Variants in VAV3 observed in about 807,000 individuals in gnomAD.
VAV3 encodes vav guanine nucleotide exchange factor 3, also known as guanine nucleotide exchange factor VAV3.
A neutral mutation model predicts 131.2 loss-of-function variants in VAV3; 94 were observed. That is an observed-to-expected ratio of 0.72 (90% confidence interval 0.61 to 0.85). The LOEUF (loss-of-function observed/expected upper bound fraction) is 0.85. Ranked by LOEUF, VAV3 falls within the 40% of genes least tolerant of loss-of-function variation. The pLI, the probability that VAV3 is intolerant of heterozygous loss-of-function variation, is 0.00. For missense variants in VAV3, 939 were observed against 1,002.7 expected (o/e 0.94, Z 0.86); for synonymous variants, 349 against 342.0 (o/e 1.02, Z -0.22).
chr1:107,689,314 C>T (rs571985270), intron 17 of VAV3, among the ~76,000 whole-genome samples: 1 of 152,080 alleles, frequency 6.6e-6, no homozygotes, highest in Non-Finnish European at 1.5e-5. Flanking sequence ...CACAGAGAGA[C>T]ATCAGGACAG....
At chr1:107,693,372 A>C (rs60163431) in intron 17 of VAV3, among the ~76,000 whole-genome samples, 112 of 152,336 alleles carry the variant, frequency 7.4e-4, no homozygotes, top group African/African-American at 2.6e-3. Context: ...AATAAACTTA[A>C]CACATCTTTT....
intron 15 of VAV3, 128 bp from the exon 16 acceptor site, chr1:107,705,189 A>T: frequency 1.4e-6 from 1 of 710,504 alleles, no homozygotes; most frequent in Non-Finnish European, 2.4e-6. Context: ...TGACTACTAA[A>T]TGTGCAATGT....
intron 2 of VAV3, among the ~76,000 whole-genome samples, chr1:107,794,726 C>A (rs557884197): frequency 6.6e-6 from 1 of 152,126 alleles, no homozygotes; most frequent in African/African-American, 2.4e-5. Flanking sequence ...TATTTTGCAA[C>A]GAACAAGGAG....
At chr1:107,891,040 TTCTGCCTAAAACA>T (rs1238475049) in intron 1 of VAV3, among the ~76,000 whole-genome samples, 1 of 152,188 alleles carries the variant, frequency 6.6e-6, no homozygotes, top group Non-Finnish European at 1.5e-5. Context: ...ATATAGCTCC[TTCTGCCTAAAACA>T]GAATTTCTGT....
chr1:107,573,018 A>C lies in VAV3; in HGVS notation c.*313T>G, dbSNP rs954488718. The C allele has an allele frequency of 5.1e-5, 18 of 349,736 alleles. No individual in the cohort carries two copies. In the South Asian group the frequency reaches 5.6e-4, roughly 11 times the overall value. 21.7% of individuals were successfully genotyped at this position (349,736 alleles called of 1,614,324 possible). ...GGCATTCATGGTATCTGACCAGAAG[A>C]AGTAAAGGGAAGCACGAACCAATGT... is the stretch of plus-strand genomic sequence containing the variant. On this transcript the variant is annotated 3_prime_UTR_variant, in exon 27 of 27. Coordinates refer to ENST00000370056, the MANE Select transcript of VAV3 (RefSeq NM_006113.5).
chr1:107,918,686 CATAT>C (rs67156403), intron 1 of VAV3, among the ~76,000 whole-genome samples: 288 of 134,328 alleles, frequency 2.1e-3, no homozygotes, highest in African/African-American at 6.9e-3. Context: ...ATTTTTAAGG[CATAT>C]ATATATATAT....
chr1:107,644,396 C>T (rs189535662), intron 19 of VAV3, among the ~76,000 whole-genome samples: 11 of 152,186 alleles, frequency 7.2e-5, no homozygotes, highest in South Asian at 6.2e-4. Context: ...TTTTATTGAG[C>T]ATACCTAGGG....
intron 1 of VAV3, among the ~76,000 whole-genome samples, chr1:107,953,791 T>C (rs1473959492): frequency 6.6e-6 from 1 of 151,488 alleles, no homozygotes; most frequent in Non-Finnish European, 1.5e-5. Flanking sequence ...GTTACAGATC[T>C]ATTTTAAGAC....
chr1:107,582,254 T>G (rs1430611163), intron 25 of VAV3, among the ~76,000 whole-genome samples: 2 of 152,166 alleles, frequency 1.3e-5, no homozygotes, highest in Non-Finnish European at 2.9e-5. Context: ...GAATGCTTAA[T>G]TTAAATTTGT....
At chr1:107,800,879 C>T (rs1235229975) in intron 2 of VAV3, among the ~76,000 whole-genome samples, 1 of 152,110 alleles carries the variant, frequency 6.6e-6, no homozygotes, top group African/African-American at 2.4e-5. Flanking sequence ...TGAGATCTTA[C>T]ACAAAAAATA....
At chr1:107,792,755 T>C (rs1666358718) in intron 2 of VAV3, among the ~76,000 whole-genome samples, 1 of 152,158 alleles carries the variant, frequency 6.6e-6, no homozygotes, top group African/African-American at 2.4e-5. Context: ...ATGTAAAATA[T>C]TTTTGTACTA....
At chr1:107,705,105 C>A (rs1017974245) in intron 15 of VAV3, 44 bp from the exon 16 acceptor site, 2 of 1,468,558 alleles carry the variant, frequency 1.4e-6, no homozygotes, top group Non-Finnish European at 1.9e-6. Context: ...AGTTTCACAA[C>A]AAAGCTGCAA....
At chr1:107,621,089 A>AT (rs5776895) in intron 20 of VAV3, among the ~76,000 whole-genome samples, 37,115 of 147,296 alleles carry the variant, frequency 0.25, 4,752 homozygotes, top group South Asian at 0.35. Context: ...ATCAAAACTC[A>AT]TTTTTTTTTT....
chr1:107,637,476 A>G (rs922698760), intron 20 of VAV3, among the ~76,000 whole-genome samples: 3 of 152,204 alleles, frequency 2.0e-5, no homozygotes, highest in Admixed American at 1.3e-4. Context: ...TACAAAAATT[A>G]GCCGGGCATG....
In VAV3 at chr1:107,588,335, C is replaced by T. The variant is rs115204873; in HGVS notation, c.2350+7877G>A. On this transcript the variant is annotated intron_variant, in intron 25 of 26. Coordinates refer to ENST00000370056, the MANE Select transcript of VAV3 (RefSeq NM_006113.5). The stretch of plus-strand genomic sequence containing the variant: ...TTAGTCCATAGAATAGTGTGTATAC[C>T]GGAATAGTGTGTATCCAGGAAATAG... Among the ~76,000 whole-genome samples the T allele has an allele frequency of 6.9e-3, 1,050 of 152,188 alleles. 4 individuals are homozygous for T. Among genetic ancestry groups the T allele is most frequent in the Non-Finnish European group, 0.011 (760 of 68,008 alleles).
intron 19 of VAV3, among the ~76,000 whole-genome samples, chr1:107,679,767 T>A (rs1362797300): frequency 6.6e-6 from 1 of 152,208 alleles, no homozygotes; most frequent in African/African-American, 2.4e-5. Context: ...AGATTTATGA[T>A]CTCATGTTCT....
At chr1:107,667,832 A>G (rs1371534973) in intron 19 of VAV3, among the ~76,000 whole-genome samples, 1 of 152,168 alleles carries the variant, frequency 6.6e-6, no homozygotes, top group Non-Finnish European at 1.5e-5. Context: ...TCAAAGGCAC[A>G]CTAATGAAAG....
At chr1:107,791,933 T>C (rs544464225) in intron 2 of VAV3, among the ~76,000 whole-genome samples, 8 of 152,334 alleles carry the variant, frequency 5.3e-5, no homozygotes, top group Non-Finnish European at 1.0e-4. Flanking sequence ...TCTAGGAGGA[T>C]GGCAGGTAAA....
intron 19 of VAV3, among the ~76,000 whole-genome samples, chr1:107,656,274 A>T (rs1433567399): frequency 6.6e-6 from 1 of 152,184 alleles, no homozygotes; most frequent in Non-Finnish European, 1.5e-5. Context: ...TCAGCCATAC[A>T]TGCAGCCATA....
Sources: allele counts gnomAD v4.1 joint callset (sites outside exome capture counted in the v4.1 genomes callset), GRCh38; gene constraint gnomAD v4.1.1; transcripts MANE v1.5; gene names NCBI Gene and HGNC (gene_info 2026-07-23, HGNC 2026-07-21).